The following CHRM3 variants were observed in gnomAD, a reference collection of about 807,000 sequenced individuals.
The protein encoded by CHRM3 is cholinergic receptor muscarinic 3, also known as muscarinic acetylcholine receptor M3.
CHRM3 carries 11 observed loss-of-function variants against 41.8 expected under a neutral mutation model. That is an observed-to-expected ratio of 0.26 (90% CI 0.17 to 0.44). The LOEUF is 0.44. Among genes scored for constraint, CHRM3 ranks in the 20% least tolerant of loss-of-function variants. CHRM3 has a pLI of 1.00. For missense variants in CHRM3, 571 were observed against 745.4 expected (o/e 0.77, Z 2.72); for synonymous variants, 297 against 301.4 (o/e 0.99, Z 0.15).
At chr1:239,755,734 G>A (rs902092123) in intron 5 of CHRM3, among the ~76,000 whole-genome samples, 26 of 152,186 alleles carry the variant, frequency 1.7e-4, no homozygotes, top group Non-Finnish European at 3.4e-4. Context: ...CTGGGATCTT[G>A]TAGTCACTGG....
At chr1:239,672,174 G>C (rs748614533) in intron 4 of CHRM3, among the ~76,000 whole-genome samples, 10 of 152,164 alleles carry the variant, frequency 6.6e-5, no homozygotes, top group Middle Eastern at 3.2e-3. Context: ...TTTCCAGTGT[G>C]ACGTAGGTGG....
At chr1:239,906,616 A>G (rs1398456070) in intron 6 of CHRM3, among the ~76,000 whole-genome samples, 1 of 152,218 alleles carries the variant, frequency 6.6e-6, no homozygotes, top group Non-Finnish European at 1.5e-5. Context: ...GTGTGAAAGC[A>G]CTAGTTGCAG....
At chr1:239,465,170 G>A (rs578092159) in intron 1 of CHRM3, among the ~76,000 whole-genome samples, 10 of 152,190 alleles carry the variant, frequency 6.6e-5, no homozygotes, top group South Asian at 2.1e-4. Context: ...TATTAAACAC[G>A]CATGGATAGG....
chr1:239,866,229 T>C lies in CHRM3; in HGVS notation c.-20+38851T>C, dbSNP rs572823451. ...CGTCTCTACTAAAAATACAAAAAATTAGCCGGGCGTGGTGGCGGGCACCTG... is the reference window on the plus strand; with the variant it reads ...CGTCTCTACTAAAAATACAAAAAATCAGCCGGGCGTGGTGGCGGGCACCTG... On this transcript the variant is annotated intron_variant, in intron 6 of 6. Transcript: ENST00000676153. 2.6e-5 allele frequency among the ~76,000 whole-genome samples: 4 copies of C among 151,932 alleles called. No homozygotes were observed. In the South Asian group the frequency reaches 8.4e-4, roughly 32 times the overall value.
intron 4 of CHRM3, among the ~76,000 whole-genome samples, chr1:239,675,800 A>G (rs1196745664): frequency 2.0e-5 from 3 of 152,176 alleles, no homozygotes; most frequent in Non-Finnish European, 2.9e-5. Flanking sequence ...TCATGATAAG[A>G]TATTGAGCTG....
At chr1:239,854,747 T>A (rs970420786) in intron 6 of CHRM3, among the ~76,000 whole-genome samples, 3 of 152,174 alleles carry the variant, frequency 2.0e-5, no homozygotes, top group Non-Finnish European at 2.9e-5. Flanking sequence ...CTATGGCTAT[T>A]AGGAATTTCA....
intron 3 of CHRM3, among the ~76,000 whole-genome samples, chr1:239,548,663 GAC>G: frequency 6.6e-6 from 1 of 152,268 alleles, no homozygotes; most frequent in Admixed American, 6.5e-5. Context: ...ACATGCTATG[GAC>G]ATGGGTACAG....
intron 3 of CHRM3, among the ~76,000 whole-genome samples, chr1:239,616,384 T>C (rs1055275412): frequency 1.3e-5 from 2 of 152,202 alleles, no homozygotes; most frequent in African/African-American, 4.8e-5. Context: ...ATATTTTTAA[T>C]TGGGAGTTTC....
At chr1:239,852,573 T>A (rs1262080107) in intron 6 of CHRM3, among the ~76,000 whole-genome samples, 3 of 152,174 alleles carry the variant, frequency 2.0e-5, no homozygotes, top group Non-Finnish European at 4.4e-5. Flanking sequence ...AATTCGGGGC[T>A]CTTGACTCAA....
intron 5 of CHRM3, among the ~76,000 whole-genome samples, chr1:239,685,744 C>T (rs1470369285): frequency 1.3e-5 from 2 of 152,122 alleles, no homozygotes; most frequent in Non-Finnish European, 2.9e-5. Context: ...ATTGCTTAAA[C>T]CCAGGAGGCG....
chr1:239,746,251 T>G (rs1345901499), intron 5 of CHRM3, among the ~76,000 whole-genome samples: 2 of 152,254 alleles, frequency 1.3e-5, no homozygotes, highest in Non-Finnish European at 2.9e-5. Context: ...AAACATGAGT[T>G]AATTCTTGGT....
chr1:239,806,712 C>T (rs1289673251), intron 5 of CHRM3, among the ~76,000 whole-genome samples: 1 of 152,200 alleles, frequency 6.6e-6, no homozygotes, highest in African/African-American at 2.4e-5. Flanking sequence ...ATACACATAC[C>T]TGCATGCTAT....
intron 4 of CHRM3, among the ~76,000 whole-genome samples, chr1:239,650,010 A>T (rs954893949): frequency 1.3e-5 from 2 of 152,216 alleles, no homozygotes; most frequent in Non-Finnish European, 2.9e-5. Context: ...TACTGAGCTC[A>T]GGGTCTTTGA....
At chr1:239,808,406 A>C (rs1249321340) in intron 5 of CHRM3, among the ~76,000 whole-genome samples, 6 of 152,122 alleles carry the variant, frequency 3.9e-5, no homozygotes, top group Non-Finnish European at 8.8e-5. Context: ...GAACAAAGGG[A>C]GACAGAGTTT....
intron 4 of CHRM3, among the ~76,000 whole-genome samples, chr1:239,638,709 A>G (rs1389760332): frequency 2.0e-5 from 3 of 152,082 alleles, no homozygotes; most frequent in African/African-American, 7.2e-5. Flanking sequence ...CCCATTTTGT[A>G]GGTTGCTGGT....
intron 5 of CHRM3, among the ~76,000 whole-genome samples, chr1:239,782,612 T>C (rs1293660546): frequency 6.6e-6 from 1 of 152,140 alleles, no homozygotes; most frequent in Non-Finnish European, 1.5e-5. Context: ...ATCGGTTTCA[T>C]TGATTTCTGC....
At chr1:239,760,881 A>G (rs945978367) in intron 5 of CHRM3, among the ~76,000 whole-genome samples, 2 of 152,154 alleles carry the variant, frequency 1.3e-5, no homozygotes, top group Non-Finnish European at 2.9e-5. Context: ...GCATTTGCCA[A>G]GCTTCTTGAA....
intron 5 of CHRM3, among the ~76,000 whole-genome samples, chr1:239,711,970 C>A (rs1278379874): frequency 6.6e-6 from 1 of 152,164 alleles, no homozygotes; most frequent in Non-Finnish European, 1.5e-5. Flanking sequence ...CATACCAGGG[C>A]TCCCCAGAGC....
At chr1:239,484,004 G>A (rs150049879) in intron 1 of CHRM3, among the ~76,000 whole-genome samples, 7 of 152,272 alleles carry the variant, frequency 4.6e-5, no homozygotes, top group African/African-American at 1.2e-4. Flanking sequence ...TGCTATTAAC[G>A]AAGTAAGTGT....
Sources: allele counts gnomAD v4.1 joint callset (sites outside exome capture counted in the v4.1 genomes callset), GRCh38; gene constraint gnomAD v4.1.1; transcripts MANE v1.5; gene names NCBI Gene and HGNC (gene_info 2026-07-23, HGNC 2026-07-21).